Variants in GALNTL6 observed in about 807,000 individuals in gnomAD.
GALNTL6 encodes polypeptide N-acetylgalactosaminyltransferase-like 6.
Under a neutral mutation model 73.7 loss-of-function variants are expected in GALNTL6, and 46 were observed. The observed-to-expected ratio is 0.62, with a 90% confidence interval of 0.49 to 0.80. The LOEUF (loss-of-function observed/expected upper bound fraction) is 0.80. Ranked by LOEUF, GALNTL6 falls within the 30% of genes least tolerant of loss-of-function variation. The pLI, the probability that GALNTL6 is intolerant of heterozygous loss-of-function variation, is 0.00. For missense variants in GALNTL6, 604 were observed against 755.0 expected, an observed-to-expected ratio of 0.80 and a Z score of 2.34; for synonymous variants, 259 against 263.7, an observed-to-expected ratio of 0.98 and a Z score of 0.17.
intron 2 of GALNTL6, among the ~76,000 whole-genome samples, chr4:172,195,187 A>T (rs1032331249): frequency 6.6e-6 from 1 of 152,212 alleles, no homozygotes; most frequent in African/African-American, 2.4e-5. Context: ...CAAAGATGAA[A>T]AAAAGACAAA....
chr4:171,974,394 A>G (rs1203844917), intron 2 of GALNTL6, among the ~76,000 whole-genome samples: 1 of 152,206 alleles, frequency 6.6e-6, no homozygotes, highest in African/African-American at 2.4e-5. Flanking sequence ...GAGTCTTATT[A>G]ATGCTGACAT....
intron 2 of GALNTL6, among the ~76,000 whole-genome samples, chr4:171,992,199 C>T (rs1012113525): frequency 2.0e-5 from 3 of 151,904 alleles, no homozygotes; most frequent in Admixed American, 1.3e-4. Flanking sequence ...TTGAAATAAT[C>T]CTAAAAGAAT....
chr4:172,391,436 G>T (rs990975233), intron 5 of GALNTL6, among the ~76,000 whole-genome samples: 3 of 152,160 alleles, frequency 2.0e-5, no homozygotes, highest in African/African-American at 7.2e-5. Context: ...GAACTCTTGG[G>T]CTCAAGCAAT....
chr4:171,865,518 C>T (rs966064303), intron 2 of GALNTL6, among the ~76,000 whole-genome samples: 2 of 152,076 alleles, frequency 1.3e-5, no homozygotes, highest in Non-Finnish European at 2.9e-5. Flanking sequence ...AAATAGGTTG[C>T]TAAATGATTT....
rs567639394 is a variant in GALNTL6 at position 171,814,445 on chromosome 4, G to A, written c.-136G>A. ...CTCCCTCTGAATCCTGCAGATTGGTGCTGAGCACGCAACAAAAGTTTGTAG... is the reference window on the plus strand; with the variant it reads ...CTCCCTCTGAATCCTGCAGATTGGTACTGAGCACGCAACAAAAGTTTGTAG... On this transcript the variant is annotated 5_prime_UTR_variant, in exon 2 of 13. Transcript: ENST00000506823. 13 of 828,608 alleles carry A rather than the reference G, an allele frequency of 1.6e-5. No homozygotes were observed. The South Asian group carries it at 1.8e-4, about 11-fold the overall frequency. 51.3% of individuals were successfully genotyped at this position (828,608 alleles called of 1,614,324 possible). A position where few individuals can be genotyped will look rare whatever the true frequency, so the allele number is the denominator to read the frequency against.
intron 5 of GALNTL6, among the ~76,000 whole-genome samples, chr4:172,725,393 A>T (rs1291327389): frequency 6.6e-6 from 1 of 152,216 alleles, no homozygotes; most frequent in East Asian, 1.9e-4. Flanking sequence ...TTCTCAGAGC[A>T]TGTCAGGAAA....
intron 2 of GALNTL6, among the ~76,000 whole-genome samples, chr4:171,863,757 AAC>A (rs1250906403): frequency 6.6e-6 from 1 of 151,156 alleles, no homozygotes; most frequent in Non-Finnish European, 1.5e-5. Context: ...GGAGAAAAGG[AAC>A]ACTTTTTTTT....
intron 2 of GALNTL6, among the ~76,000 whole-genome samples, chr4:172,196,226 A>G (rs901215831): frequency 6.6e-6 from 1 of 152,148 alleles, no homozygotes; most frequent in South Asian, 2.1e-4. Context: ...GAACACATAC[A>G]TCCTCCCAAG....
At chr4:172,309,329 T>G (rs1185277767) in intron 3 of GALNTL6, among the ~76,000 whole-genome samples, 1 of 152,064 alleles carries the variant, frequency 6.6e-6, no homozygotes, top group Non-Finnish European at 1.5e-5. Context: ...AACAAAATCT[T>G]GAATTCTAGT....
intron 5 of GALNTL6, among the ~76,000 whole-genome samples, chr4:172,531,587 T>C (rs764660038): frequency 7.9e-5 from 12 of 152,212 alleles, no homozygotes; most frequent in East Asian, 5.8e-4. Flanking sequence ...CCCTCAAAAA[T>C]TGCAACCTCT....
intron 3 of GALNTL6, among the ~76,000 whole-genome samples, chr4:172,296,219 A>G (rs1739666880): frequency 6.6e-6 from 1 of 152,172 alleles, no homozygotes; most frequent in Admixed American, 6.5e-5. Flanking sequence ...TATTTTGCCT[A>G]TATTGAGATA....
At chr4:172,281,357 A>C (rs551722420) in intron 3 of GALNTL6, among the ~76,000 whole-genome samples, 1 of 152,034 alleles carries the variant, frequency 6.6e-6, no homozygotes, top group Non-Finnish European at 1.5e-5. Context: ...CCTCTGCTTT[A>C]GTTGTCACAT....
chr4:173,031,450 A>G (rs1028401823), intron 12 of GALNTL6, among the ~76,000 whole-genome samples: 11 of 152,334 alleles, frequency 7.2e-5, no homozygotes, highest in African/African-American at 2.4e-4. Context: ...TCATGAGAGC[A>G]GGAATTTTTC....
intron 9 of GALNTL6, among the ~76,000 whole-genome samples, chr4:172,945,212 A>C (rs1749106788): frequency 6.6e-6 from 1 of 152,222 alleles, no homozygotes; most frequent in African/African-American, 2.4e-5. Flanking sequence ...ATTCTAAAAA[A>C]TACAAATTAA....
chr4:171,820,502 C>T (rs965589048), intron 2 of GALNTL6, among the ~76,000 whole-genome samples: 2 of 152,166 alleles, frequency 1.3e-5, no homozygotes, highest in Non-Finnish European at 2.9e-5. Context: ...AAAATTAAAT[C>T]CACCCAACTG....
chr4:172,735,098 GAGA>G (rs1385204314), intron 5 of GALNTL6, among the ~76,000 whole-genome samples: 1 of 152,092 alleles, frequency 6.6e-6, no homozygotes, highest in African/African-American at 2.4e-5. Context: ...GCGGAGCTAT[GAGA>G]AGAAGGCCAC....
At chr4:172,387,744 CCT>C (rs1743522439) in intron 5 of GALNTL6, among the ~76,000 whole-genome samples, 1 of 151,952 alleles carries the variant, frequency 6.6e-6, no homozygotes. Flanking sequence ...GATCTTGTCC[CCT>C]GTCTCTTCAC....
chr4:172,862,271 G>C (rs139410783), intron 7 of GALNTL6, among the ~76,000 whole-genome samples: 1 of 152,204 alleles, frequency 6.6e-6, no homozygotes, highest in Non-Finnish European at 1.5e-5. Context: ...GGTCACTCTT[G>C]CTGTGCAAAG....
At chr4:172,170,509 T>G (rs1015595127) in intron 2 of GALNTL6, among the ~76,000 whole-genome samples, 1 of 64,214 alleles carries the variant, frequency 1.6e-5, no homozygotes, top group Non-Finnish European at 2.9e-5. Context: ...TCTTTGGTGG[T>G]TTTTTTTTTT....
Sources: allele counts gnomAD v4.1 joint callset (sites outside exome capture counted in the v4.1 genomes callset), GRCh38; gene constraint gnomAD v4.1.1; transcripts MANE v1.5; gene names NCBI Gene and HGNC (gene_info 2026-07-23, HGNC 2026-07-21).